WDR59: variants seen among roughly 807,000 people sequenced by gnomAD.
The protein encoded by WDR59 is WD repeat domain 59, also known as GATOR2 complex protein WDR59.
A neutral mutation model predicts 131.2 loss-of-function variants in WDR59; 100 were observed. The observed-to-expected ratio is 0.76, with a 90% CI of 0.65 to 0.90. The LOEUF (loss-of-function observed/expected upper bound fraction) is 0.90, where lower values mean the gene tolerates loss of function less well. Among genes scored for constraint, WDR59 ranks in the 40% least tolerant of loss-of-function variants. The pLI is 0.00. For missense variants in WDR59, 1,203 were observed against 1,262.2 expected, an observed-to-expected ratio of 0.95 and a Z score of 0.71; for synonymous variants, 601 against 466.2, an observed-to-expected ratio of 1.29 and a Z score of -3.72.
intron 8 of WDR59, among the ~76,000 whole-genome samples, chr16:74,930,303 T>C (rs2031265059): frequency 6.6e-6 from 1 of 152,176 alleles, no homozygotes; most frequent in Non-Finnish European, 1.5e-5. Context: ...AAATATCTCA[T>C]GTACCCCATA....
chr16:74,909,607 G>A lies in WDR59; in HGVS notation c.1536C>T (p.Val512=). 6.2e-7 allele frequency: 1 copy of A among 1,608,660 alleles called. No homozygotes were observed. Among genetic ancestry groups the A allele is most frequent in the Non-Finnish European group, 8.5e-7 (1 of 1,178,014 alleles). The change falls in exon 16 of 26, where the codon GTC becomes GTT. Residue 512 remains valine (V), a synonymous_variant. Coordinates refer to ENST00000262144, the MANE Select transcript of WDR59 (RefSeq NM_030581.4). The stretch of plus-strand genomic sequence containing the variant: ...GCGCAAACGTCGGTAAGGGGGGAGT[G>A]ACAGAGTTGGGGAGTGCAAACGGGT... The part of the protein sequence containing the change: ...SSNPFALPNS[V]TPPLPTFARV...
chr16:74,919,822 T>C lies in WDR59; in HGVS notation c.887-1814A>G, dbSNP rs190003878. Among the ~76,000 whole-genome samples the C allele has an allele frequency of 1.4e-3, 213 of 152,270 alleles. 2 individuals are homozygous for C. Among genetic ancestry groups the C allele is most frequent in the Middle Eastern group, 0.01 (3 of 294 alleles). On this transcript the variant is annotated intron_variant, in intron 10 of 25. Transcript: ENST00000262144. ...CACTTCCTACCTCTTTGAGAAATCC[T>C]TCCCCACAGTGAAAATCAAAGCATG...
intron 8 of WDR59, among the ~76,000 whole-genome samples, chr16:74,933,540 TA>T (rs2031567282): frequency 6.6e-6 from 1 of 152,212 alleles, no homozygotes; most frequent in Admixed American, 6.6e-5. Context: ...CTGCTGTATT[TA>T]ACTTTAGTTT....
chr16:74,946,044 C>A (rs941233189), intron 6 of WDR59, among the ~76,000 whole-genome samples: 2 of 151,944 alleles, frequency 1.3e-5, no homozygotes, highest in Non-Finnish European at 2.9e-5. Context: ...GAACTCCTGA[C>A]CTCAGGTGAT....
intron 5 of WDR59, among the ~76,000 whole-genome samples, chr16:74,949,043 T>C (rs1007955669): frequency 3.9e-5 from 6 of 152,054 alleles, no homozygotes; most frequent in African/African-American, 1.4e-4. Context: ...TTACAGGCCA[T>C]GTACAATGGC....
chr16:74,976,634 G>C (rs566437623), intron 1 of WDR59, among the ~76,000 whole-genome samples: 3 of 151,842 alleles, frequency 2.0e-5, no homozygotes, highest in Non-Finnish European at 4.4e-5. Flanking sequence ...GTAGAGACAG[G>C]GTTTCACTGT....
chr16:74,891,112 CAAAAA>C (rs1220561474), intron 20 of WDR59, among the ~76,000 whole-genome samples: 8 of 65,456 alleles, frequency 1.2e-4, no homozygotes, highest in East Asian at 5.7e-4. Flanking sequence ...GACTCTGTCT[CAAAAA>C]AAAAAAAAAA....
chr16:74,946,066 A>G (rs1195295293), intron 6 of WDR59, among the ~76,000 whole-genome samples: 2 of 152,020 alleles, frequency 1.3e-5, no homozygotes, highest in Non-Finnish European at 2.9e-5. Context: ...CGCCCGCCTC[A>G]GCCTCCCAAA....
intron 25 of WDR59, among the ~76,000 whole-genome samples, chr16:74,884,935 T>G (rs1174338534): frequency 6.6e-6 from 1 of 152,184 alleles, no homozygotes; most frequent in East Asian, 1.9e-4. Context: ...ATTCTCCCTC[T>G]CTGTTCTCCC....
intron 18 of WDR59, among the ~76,000 whole-genome samples, chr16:74,898,871 C>A (rs1965414967): frequency 6.6e-6 from 1 of 152,194 alleles, no homozygotes; most frequent in South Asian, 2.1e-4. Context: ...TGGAAGGTGG[C>A]CCCGTTGGTG....
intron 8 of WDR59, among the ~76,000 whole-genome samples, chr16:74,925,069 A>G (rs2145017812): frequency 6.6e-6 from 1 of 152,372 alleles, no homozygotes; most frequent in East Asian, 1.9e-4. Context: ...CACAATCACC[A>G]AAAACCAAAA....
intron 18 of WDR59, among the ~76,000 whole-genome samples, chr16:74,900,874 T>G (rs769607434): frequency 7.2e-5 from 11 of 152,164 alleles, no homozygotes; most frequent in Non-Finnish European, 1.5e-4. Flanking sequence ...ATCCCAACAC[T>G]TTGGGTGGCC....
In WDR59 at chr16:74,881,411, C is replaced by T. The variant is rs138726686; in HGVS notation, c.2689+4242G>A. Among the ~76,000 whole-genome samples the T allele has an allele frequency of 2.3e-3, 344 of 151,216 alleles. 1 individual carries two copies. Among genetic ancestry groups the T allele is most frequent in the African/African-American group, 7.4e-3 (303 of 41,170 alleles). The stretch of plus-strand genomic sequence containing the variant: ...TTCTCCATGTTGCCCAGGCTTGTCT[C>T]GAATTCCTAGACTCCAGCAATCTGT... On this transcript the variant is annotated intron_variant, in intron 25 of 25. Coordinates refer to ENST00000262144, the MANE Select transcript of WDR59 (RefSeq NM_030581.4).
Position 74,958,055 on chromosome 16 carries a change from G to C in WDR59, c.105-1445C>G, listed in dbSNP as rs1363925201. ...TCCCATCAGAAGAACAACAGGACAA[G>C]GCTAGTAGCTATACATGTGAGGTGA... is the stretch of plus-strand genomic sequence containing the variant. On this transcript the variant is annotated intron_variant, in intron 2 of 25. Coordinates refer to ENST00000262144, the MANE Select transcript of WDR59 (RefSeq NM_030581.4). Among the ~76,000 whole-genome samples the C allele has an allele frequency of 2.6e-5, 4 of 152,304 alleles. No homozygotes were observed. In the South Asian group the frequency reaches 6.2e-4, roughly 24 times the overall value.
At chr16:74,946,112 C>T (rs940415643) in intron 6 of WDR59, among the ~76,000 whole-genome samples, 1 of 152,182 alleles carries the variant, frequency 6.6e-6, no homozygotes, top group African/African-American at 2.4e-5. Context: ...CCACACCCGG[C>T]CACATTCACA....
At chr16:74,911,223 C>G (rs947120377) in intron 14 of WDR59, among the ~76,000 whole-genome samples, 5 of 152,186 alleles carry the variant, frequency 3.3e-5, no homozygotes, top group Non-Finnish European at 5.9e-5. Flanking sequence ...TTTATACTAA[C>G]AGAAAAATCT....
intron 16 of WDR59, 138 bp downstream of exon 16, chr16:74,909,363 C>T (rs1254000636): frequency 2.6e-6 from 3 of 1,139,952 alleles, no homozygotes; most frequent in East Asian, 2.8e-5. Context: ...TCAGACCCTA[C>T]CACGCTACCA....
At chr16:74,942,168 T>C (rs1195664971) in intron 7 of WDR59, among the ~76,000 whole-genome samples, 2 of 152,116 alleles carry the variant, frequency 1.3e-5, no homozygotes, top group African/African-American at 2.4e-5. Context: ...CATCTCTAGG[T>C]GTCCATGGGC....
intron 9 of WDR59, 105 bp from the exon 10 acceptor site, chr16:74,922,208 T>A: frequency 1.4e-6 from 2 of 1,430,626 alleles, no homozygotes; most frequent in Non-Finnish European, 1.9e-6. Context: ...ATAAATTAGA[T>A]AATGGAAGGC....
Sources: gnomAD v4.1 joint callset for allele counts (sites outside exome capture counted in the v4.1 genomes callset) on GRCh38, gnomAD v4.1.1 for gene constraint, MANE v1.5 for transcripts, NCBI Gene and HGNC (gene_info 2026-07-23, HGNC 2026-07-21) for gene names.